NRSN2: variants seen among roughly 807,000 people sequenced by gnomAD.
The protein encoded by NRSN2 is neurensin-2.
Under a neutral mutation model 11.1 loss-of-function variants are expected in NRSN2, and 10 were observed. The observed-to-expected ratio is 0.90, with a 90% CI of 0.56 to 1.53. The LOEUF is 1.53. NRSN2 is among the 40% of genes most tolerant of loss of function. NRSN2 has a pLI of 0.00. For missense variants in NRSN2, 260 were observed against 273.7 expected, an observed-to-expected ratio of 0.95 and a Z score of 0.35; for synonymous variants, 100 against 117.0, an observed-to-expected ratio of 0.86 and a Z score of 0.94.
intron 2 of NRSN2, 131 bp from the exon 3 acceptor site, chr20:349,118 A>G (rs529820045): frequency 1.3e-5 from 2 of 152,404 alleles, no homozygotes; most frequent in African/African-American, 4.8e-5. Context: ...CATTCCAGAT[A>G]TGGAGACTAA....
rs938089982 is a variant in NRSN2 at position 353,436 on chromosome 20, T to C, written c.416T>C (p.Ile139Thr). 7 of 1,613,902 alleles carry C rather than the reference T, an allele frequency of 4.3e-6. No individual in the cohort carries two copies. The highest frequency in any genetic ancestry group is 5.9e-6 in the Non-Finnish European group (7 of 1,180,014). Residue 139 changes from isoleucine (I) to threonine (T), a missense_variant, in exon 5 of 5, where the codon ATA becomes ACA. Coordinates refer to ENST00000382285, the MANE Select transcript of NRSN2 (RefSeq NM_001323682.2). Reference protein sequence around the residue: ...LLAICLFWAMIGWLSQDTKAE... With the variant: ...LLAICLFWAMTGWLSQDTKAE... ...GCCATCTGCCTCTTCTGGGCCATGA[T>C]AGGCTGGCTGAGCCAGGACACCAAG...
chr20:349,891 A>G, intron 4 of NRSN2, 59 bp downstream of exon 4: 1 of 1,513,662 alleles, frequency 6.6e-7, no homozygotes, highest in Non-Finnish European at 9.0e-7. Flanking sequence ...AATGAGTCTG[A>G]ATTTGAGGCT....
At chr20:351,867 G>A (rs888621615) in intron 4 of NRSN2, among the ~76,000 whole-genome samples, 4 of 152,132 alleles carry the variant, frequency 2.6e-5, no homozygotes, top group African/African-American at 9.7e-5. Flanking sequence ...ACTGAGTCGG[G>A]TCCCTTGCTT....
At chr20:348,996 C>T (rs915206099) in intron 2 of NRSN2, among the ~76,000 whole-genome samples, 2 of 152,020 alleles carry the variant, frequency 1.3e-5, no homozygotes, top group African/African-American at 2.4e-5. Context: ...CAGGGGCAGT[C>T]CTGGGGAGGA....
chr20:349,521 G>GTC (rs2013745777), intron 3 of NRSN2, 117 bp from the exon 4 acceptor site: 1 of 747,174 alleles, frequency 1.3e-6, no homozygotes, highest in Admixed American at 2.7e-5. Flanking sequence ...CGTGTAGGGT[G>GTC]TCTCGAGTGG....
In NRSN2 at chr20:354,768, C is replaced by G. The variant is rs1326375345; in HGVS notation, c.*1133C>G. On this transcript the variant is annotated 3_prime_UTR_variant, in exon 5 of 5. Coordinates refer to ENST00000382285, the MANE Select transcript of NRSN2 (RefSeq NM_001323682.2). ...CTAGGGGATCCTCAGGCGGCCCCCACCAGGGCACACCCTACTGTCCTTGTG... is the reference window on the plus strand; with the variant it reads ...CTAGGGGATCCTCAGGCGGCCCCCAGCAGGGCACACCCTACTGTCCTTGTG... The G allele has an allele frequency of 1.3e-5, 2 of 152,316 alleles. No homozygotes were observed. The highest frequency in any genetic ancestry group is 2.9e-5 in the Non-Finnish European group (2 of 68,110). The allele number at this position is 152,316 out of a possible 1,614,324, so 9.4% of individuals were successfully genotyped here.
At position 348,456 on chromosome 20, in the gene NRSN2, C is replaced by T. The variant is rs2013627839; in HGVS notation, c.-121-793C>T. On this transcript the variant is annotated intron_variant, in intron 2 of 4. Transcript: ENST00000382285. ...GCTTTCTTGACAGCAATCTTGTGTG[C>T]CGTGTGACTCCAAGCAGAACCTCCA... The T allele has an allele frequency of 4.3e-5, 6 of 138,452 alleles. No homozygotes were observed. In the South Asian group the frequency reaches 1.2e-3, roughly 27 times the overall value. The allele number at this position is 138,452 out of a possible 1,614,324, so 8.6% of individuals were successfully genotyped here. A position where few individuals can be genotyped will look rare whatever the true frequency, so the allele number is the denominator to read the frequency against.
chr20:353,077 T>G, intron 4 of NRSN2, 133 bp from the exon 5 acceptor site: 2 of 754,410 alleles, frequency 2.7e-6, no homozygotes, highest in Non-Finnish European at 4.5e-6. Flanking sequence ...CCAGCAAGTG[T>G]GTTCTGTGAT....
In NRSN2 at chr20:354,733, GA is replaced by G; in HGVS notation, c.*1100del. ...CCTTACCTTCAGTCTCCACCAGCCT[GA>G]AGGGCCTCCTAGGGGATCCTCAGGC... is the stretch of plus-strand genomic sequence containing the variant. On this transcript the variant is annotated 3_prime_UTR_variant, in exon 5 of 5. Coordinates refer to ENST00000382285, the MANE Select transcript of NRSN2 (RefSeq NM_001323682.2). 6.6e-6 allele frequency: 1 copy of G among 152,274 alleles called. No individual in the cohort carries two copies. The highest frequency in any genetic ancestry group is 1.5e-5 in the Non-Finnish European group (1 of 68,004). 9.4% of individuals were successfully genotyped at this position (152,274 alleles called of 1,614,324 possible).
Position 353,584 on chromosome 20 carries a change from C to A in NRSN2, c.564C>A (p.Ser188Arg). 3 of 1,614,218 alleles carry A rather than the reference C, an allele frequency of 1.9e-6. No individual in the cohort carries two copies. Among genetic ancestry groups the A allele is most frequent in the Non-Finnish European group, 2.5e-6 (3 of 1,180,038 alleles). The stretch of plus-strand genomic sequence containing the variant: ...AGTCATGGTTCTCGCCACCCGCCAG[C>A]CCCTTTGGGCAATCTTCTGTGCAGA... ...SGQSWFSPPA[S>R]PFGQSSVQTI... is the part of the protein sequence containing the mutation. The change falls in exon 5 of 5, where the codon AGC becomes AGA. Residue 188 changes from serine to arginine, a missense_variant. By Grantham distance (110) the Ser-to-Arg change is moderately radical. Transcript: ENST00000382285.
In NRSN2 at chr20:349,631, T is replaced by C. The variant is rs748719384; in HGVS notation, c.-6-7T>C. The C allele has an allele frequency of 6.2e-7, 1 of 1,602,174 alleles. No homozygotes were observed. Among genetic ancestry groups the C allele is most frequent in the South Asian group, 1.1e-5 (1 of 90,516 alleles). On this transcript the variant is annotated splice_polypyrimidine_tract_variant and splice_region_variant and intron_variant, in intron 3 of 4. Coordinates refer to ENST00000382285, the MANE Select transcript of NRSN2 (RefSeq NM_001323682.2). ...CCTCCGTCAGCTGCACCTTACCTGC[T>C]CCCCAGGGGTCCATGATGCCGAGCT...
intron 4 of NRSN2, among the ~76,000 whole-genome samples, chr20:352,682 G>A (rs2014062370): frequency 1.3e-5 from 2 of 152,216 alleles, no homozygotes; most frequent in African/African-American, 2.4e-5. Flanking sequence ...GCCAAAACAG[G>A]CACAGTCTGC....
At position 347,768 on chromosome 20, in the gene NRSN2, C is replaced by T. The variant is rs1038927477; in HGVS notation, c.-122+256C>T. On this transcript the variant is annotated intron_variant, in intron 2 of 4. Transcript: ENST00000382285. This position sits in a 1 kb window ranked among gnomAD's most constrained non-coding sequence, Gnocchi z 7.0. ...TCCTCCCTCCGCCGCAGTCTCCCCA[C>T]GTCGGACAGCGCAGCCCCCTCCGCC... Among the ~76,000 whole-genome samples, 1 of 152,112 alleles carries T rather than the reference C, an allele frequency of 6.6e-6. No homozygotes were observed. The highest frequency in any genetic ancestry group is 1.5e-5 in the Non-Finnish European group (1 of 68,000).
In NRSN2 at chr20:353,403, T is replaced by C. The variant is rs2014145565; in HGVS notation, c.383T>C (p.Val128Ala). Residue 128 changes from valine (V) to alanine (A), a missense_variant, in exon 5 of 5, where the codon GTT becomes GCT. Transcript: ENST00000382285. ...AGTALCVAAG[V>A]LLAICLFWAM... ...ACAGCGCTCTGTGTGGCAGCTGGAG[T>C]TCTGCTCGCCATCTGCCTCTTCTGG... The C allele has an allele frequency of 1.2e-6, 2 of 1,613,876 alleles. No individual in the cohort carries two copies. The highest frequency in any genetic ancestry group is 1.7e-6 in the Non-Finnish European group (2 of 1,179,982).
At chr20:352,587 C>T (rs540889350) in intron 4 of NRSN2, among the ~76,000 whole-genome samples, 12 of 152,320 alleles carry the variant, frequency 7.9e-5, no homozygotes, top group African/African-American at 2.9e-4. Context: ...ACTCTTTTAG[C>T]TGTGGTTTAT....
In NRSN2 at chr20:353,692, C is replaced by A; in HGVS notation, c.*57C>A. 1 of 1,537,096 alleles carries A rather than the reference C, an allele frequency of 6.5e-7. No individual in the cohort carries two copies. Among genetic ancestry groups the A allele is most frequent in the Non-Finnish European group, 8.9e-7 (1 of 1,129,606 alleles). On this transcript the variant is annotated 3_prime_UTR_variant, in exon 5 of 5. Transcript: ENST00000382285. ...GATCCTTCCCCCCTTCTCACCATAACCCCCTCTCAGTGTTTCCCCAACTTC... is the reference window on the plus strand; with the variant it reads ...GATCCTTCCCCCCTTCTCACCATAAACCCCTCTCAGTGTTTCCCCAACTTC...
chr20:353,950 T>G lies in NRSN2; in HGVS notation c.*315T>G, dbSNP rs1024659572. 1.1e-5 allele frequency: 4 copies of G among 375,636 alleles called. No individual in the cohort carries two copies. Among genetic ancestry groups the G allele is most frequent in the Admixed American group, 9.2e-5 (2 of 21,804 alleles). 23.3% of individuals were successfully genotyped at this position (375,636 alleles called of 1,614,324 possible). The stretch of plus-strand genomic sequence containing the variant: ...CATGACCTTGGGCAAACCCTTGCCC[T>G]TTCAAGCCATCAGCTCCTGCCTCTC... On this transcript the variant is annotated 3_prime_UTR_variant, in exon 5 of 5. Transcript: ENST00000382285.
In NRSN2 at chr20:354,668, G is replaced by C. The variant is rs1455586349; in HGVS notation, c.*1033G>C. On this transcript the variant is annotated 3_prime_UTR_variant, in exon 5 of 5. Coordinates refer to ENST00000382285, the MANE Select transcript of NRSN2 (RefSeq NM_001323682.2). ...ACTAGAGGGAGCTCTGATGCAGCTGGAGAGCAGCGCTCAAGGCTCTCGCCC... is the reference window on the plus strand; with the variant it reads ...ACTAGAGGGAGCTCTGATGCAGCTGCAGAGCAGCGCTCAAGGCTCTCGCCC... 1 of 152,176 alleles carries C rather than the reference G, an allele frequency of 6.6e-6. No homozygotes were observed. The highest frequency in any genetic ancestry group is 2.4e-5 in the African/African-American group (1 of 41,414). The allele number at this position is 152,176 out of a possible 1,614,324, so 9.4% of individuals were successfully genotyped here.
At chr20:352,163 C>T (rs1405815888) in intron 4 of NRSN2, among the ~76,000 whole-genome samples, 1 of 152,122 alleles carries the variant, frequency 6.6e-6, no homozygotes. Flanking sequence ...GACTGGAGTA[C>T]CTTGCCAGGG....
Sources: allele counts gnomAD v4.1 joint callset (sites outside exome capture counted in the v4.1 genomes callset), GRCh38; gene constraint gnomAD v4.1.1; non-coding constraint Gnocchi (gnomAD v3.1); transcripts MANE v1.5; gene names NCBI Gene and HGNC (gene_info 2026-07-23, HGNC 2026-07-21).